Variants in CNST observed in about 807,000 individuals in gnomAD.
The protein encoded by CNST is consortin, connexin sorting protein, also known as consortin.
A neutral mutation model predicts 72.4 loss-of-function variants in CNST; 39 were observed. The observed-to-expected ratio is 0.54, with a 90% CI of 0.42 to 0.70. The LOEUF is 0.70. Ranked by LOEUF, CNST falls within the 30% of genes least tolerant of loss-of-function variation. CNST has a pLI of 0.00. For missense variants in CNST, 871 were observed against 868.5 expected (o/e 1.00, Z -0.04); for synonymous variants, 332 against 320.1 (o/e 1.04, Z -0.40).
At chr1:246,609,784 G>A (rs1663179855) in intron 2 of CNST, among the ~76,000 whole-genome samples, 1 of 152,130 alleles carries the variant, frequency 6.6e-6, no homozygotes, top group African/African-American at 2.4e-5. Flanking sequence ...TGGGTAAGGC[G>A]GTTTGAGGAA....
At chr1:246,610,793 G>C (rs139141087) in intron 2 of CNST, among the ~76,000 whole-genome samples, 47 of 152,098 alleles carry the variant, frequency 3.1e-4, no homozygotes, top group Admixed American at 5.9e-4. Context: ...AGCGTGCGTC[G>C]TGTCCTGAGC....
At chr1:246,624,585 G>A (rs1395562668) in intron 3 of CNST, among the ~76,000 whole-genome samples, 1 of 152,186 alleles carries the variant, frequency 6.6e-6, no homozygotes, top group Non-Finnish European at 1.5e-5. Context: ...TGAGACGTCA[G>A]GGTGACAAGA....
rs1265269818 is a variant in CNST, at chr1:246,666,494, A to G, written c.*589A>G. On this transcript the variant is annotated 3_prime_UTR_variant, in exon 11 of 11. Transcript: ENST00000366513. The stretch of plus-strand genomic sequence containing the variant: ...GGCAGTTAACATAAGCAAATACCCA[A>G]CATCACAAAGATGATCTTTCTTCTT... The G allele has an allele frequency of 1.3e-5, 2 of 152,712 alleles. No individual in the cohort carries two copies. The highest frequency in any genetic ancestry group is 4.8e-5 in the African/African-American group (2 of 41,462). 9.5% of individuals were successfully genotyped at this position (152,712 alleles called of 1,614,324 possible). A position where few individuals can be genotyped will look rare whatever the true frequency, so the allele number is the denominator to read the frequency against.
chr1:246,582,722 A>T (rs1271627407), intron 1 of CNST, among the ~76,000 whole-genome samples: 1 of 152,168 alleles, frequency 6.6e-6, no homozygotes, highest in African/African-American at 2.4e-5. Context: ...TTCGCTGTTC[A>T]TTCTGTACTT....
intron 2 of CNST, among the ~76,000 whole-genome samples, chr1:246,611,829 A>G (rs944075574): frequency 1.3e-5 from 2 of 152,232 alleles, no homozygotes; most frequent in African/African-American, 4.8e-5. Context: ...GAAACAATCC[A>G]GATGTCCATC....
intron 2 of CNST, among the ~76,000 whole-genome samples, chr1:246,612,943 T>G (rs780363607): frequency 6.6e-6 from 1 of 152,150 alleles, no homozygotes; most frequent in African/African-American, 2.4e-5. Flanking sequence ...GCTTAACTAA[T>G]TGAAATTTGC....
At chr1:246,633,025 T>C (rs976793304) in intron 4 of CNST, among the ~76,000 whole-genome samples, 2 of 152,248 alleles carry the variant, frequency 1.3e-5, no homozygotes, top group African/African-American at 4.8e-5. Context: ...CTTAAATTAC[T>C]TTTAGTTGAC....
chr1:246,577,693 A>G (rs1411930317), intron 1 of CNST, among the ~76,000 whole-genome samples: 1 of 152,074 alleles, frequency 6.6e-6, no homozygotes, highest in East Asian at 1.9e-4. Flanking sequence ...TGTGAGGTGA[A>G]CCTTTCAAGT....
At position 246,647,339 on chromosome 1, in the gene CNST, A is replaced by G. The variant is rs754240317; in HGVS notation, c.1138A>G (p.Thr380Ala). 3 of 1,614,044 alleles carry G rather than the reference A, an allele frequency of 1.9e-6. No individual in the cohort carries two copies. Among genetic ancestry groups the G allele is most frequent in the Non-Finnish European group, 2.5e-6 (3 of 1,180,054 alleles). The change falls in exon 9 of 11, where the codon ACA becomes GCA. Residue 380 changes from threonine to alanine, a missense_variant. Transcript: ENST00000366513. ...TLALHTQSSE[T>A]AGSPSGPDSS... ...AGCGCTCCACACCCAGTCCTCCGAG[A>G]CAGCAGGGAGCCCGTCTGGGCCAGA...
chr1:246,651,587 A>G (rs1028118444), intron 9 of CNST, among the ~76,000 whole-genome samples: 1 of 152,254 alleles, frequency 6.6e-6, no homozygotes, highest in Non-Finnish European at 1.5e-5. Context: ...AATAATTTAC[A>G]TAAAATGTCA....
At chr1:246,608,164 CAAAT>C (rs758373619) in intron 2 of CNST, 2 of 151,434 alleles carry the variant, frequency 1.3e-5, no homozygotes, top group Non-Finnish European at 2.9e-5. Flanking sequence ...ACAAAAAAAA[CAAAT>C]AAATAAATAA....
At chr1:246,626,183 G>A (rs1050190930) in intron 3 of CNST, among the ~76,000 whole-genome samples, 1 of 151,854 alleles carries the variant, frequency 6.6e-6, no homozygotes, top group Non-Finnish European at 1.5e-5. Flanking sequence ...TCAAGTGGCT[G>A]GGACTGCAGG....
At chr1:246,652,611 TTAAG>T (rs1186037178) in intron 9 of CNST, among the ~76,000 whole-genome samples, 1 of 152,200 alleles carries the variant, frequency 6.6e-6, no homozygotes, top group Non-Finnish European at 1.5e-5. Context: ...GAAAAATATA[TTAAG>T]TGTTTCAGAT....
chr1:246,627,454 G>T (rs4129249), intron 3 of CNST, among the ~76,000 whole-genome samples: 1 of 151,968 alleles, frequency 6.6e-6, no homozygotes, highest in Non-Finnish European at 1.5e-5. Flanking sequence ...AAGCCACTAG[G>T]TGATGTGCTC....
At chr1:246,617,425 C>G (rs1663781656) in intron 2 of CNST, among the ~76,000 whole-genome samples, 1 of 152,232 alleles carries the variant, frequency 6.6e-6, no homozygotes, top group African/African-American at 2.4e-5. Flanking sequence ...TTGGACTTGT[C>G]TCAGAACTGC....
In CNST at chr1:246,647,311, G is replaced by C. The variant is rs140541041; in HGVS notation, c.1110G>C (p.Thr370=). The C allele has an allele frequency of 6.2e-7, 1 of 1,614,110 alleles. No homozygotes were observed. The highest frequency in any genetic ancestry group is 1.7e-5 in the Admixed American group (1 of 60,018). ...AGCTGCTCTGCAGCGCTGAAGCCAC[G>C]TTAGCGCTCCACACCCAGTCCTCCG... is the stretch of plus-strand genomic sequence containing the variant. ...MEELLCSAEA[T]LALHTQSSET... Residue 370 remains threonine, a synonymous_variant, in exon 9 of 11, where the codon ACG becomes ACC. Coordinates refer to ENST00000366513, the MANE Select transcript of CNST (RefSeq NM_152609.3).
intron 2 of CNST, among the ~76,000 whole-genome samples, chr1:246,620,694 A>G (rs1664023065): frequency 3.6e-5 from 4 of 111,232 alleles, no homozygotes; most frequent in African/African-American, 3.6e-5. Context: ...CACTACAGGG[A>G]GGACGGCTTC....
In CNST at chr1:246,660,342, G is replaced by A. The variant is rs190268986; in HGVS notation, c.1972+8G>A. 1.3e-4 allele frequency: 214 copies of A among 1,610,466 alleles called. 1 individual carries two copies. The Middle Eastern group carries it at 1.5e-3, about 11-fold the overall frequency. On this transcript the variant is annotated splice_region_variant and intron_variant, in intron 10 of 10. Transcript: ENST00000366513. ...ACGATAGCTTGGATCAAGGTAAACC[G>A]CTTGGCACTGTGGCTAGCAGGATAG...
At chr1:246,644,852 C>G (rs1572229995) in intron 8 of CNST, among the ~76,000 whole-genome samples, 1 of 152,206 alleles carries the variant, frequency 6.6e-6, no homozygotes. Context: ...TGGCTTGGCC[C>G]CCTTTCCTTT....
Sources: gnomAD v4.1 joint callset for allele counts (sites outside exome capture counted in the v4.1 genomes callset) on GRCh38, gnomAD v4.1.1 for gene constraint, MANE v1.5 for transcripts, NCBI Gene and HGNC (gene_info 2026-07-23, HGNC 2026-07-21) for gene names.